The following ADGRE1 variants were observed in gnomAD, a reference collection of about 807,000 sequenced individuals.
ADGRE1 encodes adhesion G protein-coupled receptor E1.
ADGRE1 carries 82 observed loss-of-function variants against 102.7 expected under a neutral mutation model. That is an observed-to-expected ratio of 0.80 (90% CI 0.67 to 0.96). The LOEUF is 0.96. Ranked by LOEUF, ADGRE1 falls within the 40% of genes least tolerant of loss-of-function variation. The pLI is 0.00. For synonymous variants in ADGRE1, 398 were observed against 399.6 expected (o/e 1.00, Z 0.05); for missense variants, 1,032 against 1,085.3 (o/e 0.95, Z 0.69).
At chr19:6,933,760 T>A (rs1464223581) in intron 17 of ADGRE1, among the ~76,000 whole-genome samples, 1 of 152,172 alleles carries the variant, frequency 6.6e-6, no homozygotes, top group Non-Finnish European at 1.5e-5. Context: ...CCAGGGATGC[T>A]GGTTAACATC....
At chr19:6,924,650 G>A (rs772539570) in intron 14 of ADGRE1, 28 bp from the exon 15 acceptor site, 3 of 1,602,250 alleles carry the variant, frequency 1.9e-6, no homozygotes, top group Middle Eastern at 3.3e-4. Flanking sequence ...CCCATTCTCA[G>A]GCCAACTCTG....
chr19:6,939,553 G>A (rs1975583050), intron 20 of ADGRE1, among the ~76,000 whole-genome samples: 1 of 152,100 alleles, frequency 6.6e-6, no homozygotes, highest in East Asian at 1.9e-4. Context: ...TCAACATGTT[G>A]ACATTTTATT....
intron 5 of ADGRE1, among the ~76,000 whole-genome samples, chr19:6,900,711 G>A (rs1451489313): frequency 6.6e-6 from 1 of 152,114 alleles, no homozygotes; most frequent in Admixed American, 6.6e-5. Flanking sequence ...TTATGGGATG[G>A]TGACTCCATT....
In ADGRE1 at chr19:6,937,668, CTGCAGG is replaced by C; in HGVS notation, c.2655+24_2655+29del. The C allele has an allele frequency of 6.2e-7, 1 of 1,611,478 alleles. No individual in the cohort carries two copies. The highest frequency in any genetic ancestry group is 8.5e-7 in the Non-Finnish European group (1 of 1,177,900). On this transcript the variant is annotated intron_variant, in intron 20 of 20. Coordinates refer to ENST00000312053, the MANE Select transcript of ADGRE1 (RefSeq NM_001974.5). ...AAGACGGTGAGAGACTGCATGCTCC[CTGCAGG>C]TGCTGGTCGAGGGAGGTGCCGGCCT...
intron 20 of ADGRE1, among the ~76,000 whole-genome samples, chr19:6,938,597 C>G (rs1182592763): frequency 6.6e-6 from 1 of 151,432 alleles, no homozygotes; most frequent in African/African-American, 2.4e-5. Flanking sequence ...AATTCAATAG[C>G]TTAGTTTCCT....
In ADGRE1 at chr19:6,937,312, G is replaced by T. The variant is rs1045971914; in HGVS notation, c.2451G>T (p.Gln817His). 1.9e-6 allele frequency: 3 copies of T among 1,614,098 alleles called. No individual in the cohort carries two copies. The highest frequency in any genetic ancestry group is 2.5e-6 in the Non-Finnish European group (3 of 1,180,014). The change falls in exon 19 of 21, where the codon CAG becomes CAT. Residue 817 changes from glutamine (Q) to histidine (H), a missense_variant. Transcript: ENST00000312053. ...LGCSWVLGIF[Q>H]IGPVAGVMAY... ...GCTCCTGGGTGCTGGGCATTTTTCA[G>T]ATTGGACCTGTGGCAGGTGTCATGG...
chr19:6,897,355 G>T (rs749466911), intron 4 of ADGRE1, 51 bp downstream of exon 4: 8 of 1,610,670 alleles, frequency 5.0e-6, no homozygotes, highest in Non-Finnish European at 2.5e-6. Context: ...ATCTATCAGT[G>T]GGGTGAGTTC....
At chr19:6,898,765 T>G in intron 5 of ADGRE1, 1 of 565,268 alleles carries the variant, frequency 1.8e-6, no homozygotes, top group South Asian at 3.0e-5. Flanking sequence ...AGAAAGGGAT[T>G]TTCTCATGTA....
At chr19:6,918,255 C>A (rs1015024753) in intron 12 of ADGRE1, among the ~76,000 whole-genome samples, 4 of 152,088 alleles carry the variant, frequency 2.6e-5, no homozygotes, top group Non-Finnish European at 5.9e-5. Flanking sequence ...GCCTGGCCAA[C>A]ATGGTGAAAC....
chr19:6,901,826 C>T, intron 5 of ADGRE1, 49 bp from the exon 6 acceptor site: 3 of 1,603,716 alleles, frequency 1.9e-6, no homozygotes, highest in East Asian at 2.2e-5. Context: ...AGTCTCTACT[C>T]CTTGCTTTCT....
chr19:6,940,392 G>A lies in ADGRE1; in HGVS notation c.*363G>A, dbSNP rs1975624077. The A allele has an allele frequency of 1.7e-5, 5 of 298,758 alleles. No individual in the cohort carries two copies. Among genetic ancestry groups the A allele is most frequent in the South Asian group, 5.3e-5 (1 of 18,814 alleles). 18.5% of individuals were successfully genotyped at this position (298,758 alleles called of 1,614,324 possible). ...CATGCCCCTCCAGAGCCTATCATACGCCTGATACAGAGAACCTCTCAATAA... is the reference window on the plus strand; with the variant it reads ...CATGCCCCTCCAGAGCCTATCATACACCTGATACAGAGAACCTCTCAATAA... On this transcript the variant is annotated 3_prime_UTR_variant, in exon 21 of 21. Coordinates refer to ENST00000312053, the MANE Select transcript of ADGRE1 (RefSeq NM_001974.5).
At chr19:6,898,567 C>T in intron 5 of ADGRE1, 1 of 1,499,070 alleles carries the variant, frequency 6.7e-7, no homozygotes, top group South Asian at 1.2e-5. Context: ...TCTGCTCACC[C>T]TCTTTCACTG....
intron 5 of ADGRE1, chr19:6,898,337 C>T (rs1973645792): frequency 1.3e-6 from 2 of 1,597,986 alleles, no homozygotes; most frequent in Admixed American, 1.7e-5. Context: ...AGCCCCCAGC[C>T]CTGTGGTCCT....
intron 13 of ADGRE1, among the ~76,000 whole-genome samples, chr19:6,920,307 C>T (rs73486690): frequency 0.29 from 42,969 of 150,134 alleles, 7,662 homozygotes; most frequent in African/African-American, 0.5. Context: ...GCAAGCTCCA[C>T]CTCCCAGGTT....
chr19:6,890,518 A>G lies in ADGRE1; in HGVS notation c.69A>G (p.Arg23=), dbSNP rs1318215649. ...TGCACAGCTGGGAAGGGCACATAAG[A>G]CCCACACGGAAACCAAACACAAAGG... ...CVMHSWEGHI[R]PTRKPNTKGN... The change falls in exon 2 of 21, where the codon AGA becomes AGG. Residue 23 remains arginine (R), a synonymous_variant. Coordinates refer to ENST00000312053, the MANE Select transcript of ADGRE1 (RefSeq NM_001974.5). 6.2e-7 allele frequency: 1 copy of G among 1,611,338 alleles called. No homozygotes were observed. Among genetic ancestry groups the G allele is most frequent in the African/African-American group, 1.4e-5 (1 of 73,936 alleles).
At chr19:6,920,516 C>CTTTTT (rs3053967) in intron 13 of ADGRE1, among the ~76,000 whole-genome samples, 9,758 of 74,734 alleles carry the variant, frequency 0.13, 2,317 homozygotes, top group East Asian at 0.25. Context: ...ACCATGCCCG[C>CTTTTT]TTTTTTTTTT....
chr19:6,905,683 T>A (rs546626623), intron 8 of ADGRE1, among the ~76,000 whole-genome samples: 2 of 152,186 alleles, frequency 1.3e-5, no homozygotes, highest in East Asian at 1.9e-4. Context: ...TTCAGAGTCC[T>A]TTCCCCTCCC....
intron 18 of ADGRE1, among the ~76,000 whole-genome samples, chr19:6,936,154 A>G (rs757801145): frequency 4.6e-5 from 7 of 152,286 alleles, no homozygotes; most frequent in South Asian, 4.1e-4. Context: ...GTCAAAAAGG[A>G]GGCCTGGTGT....
At chr19:6,910,630 G>GAT (rs1974142191) in intron 10 of ADGRE1, among the ~76,000 whole-genome samples, 1 of 129,326 alleles carries the variant, frequency 7.7e-6, no homozygotes. Context: ...GCAGTGCAAT[G>GAT]GCGCAATATT....
Sources: gnomAD v4.1 joint callset for allele counts (sites outside exome capture counted in the v4.1 genomes callset) on GRCh38, gnomAD v4.1.1 for gene constraint, MANE v1.5 for transcripts, NCBI Gene and HGNC (gene_info 2026-07-23, HGNC 2026-07-21) for gene names.